The following RABEP1 variants were observed in gnomAD, a reference collection of about 807,000 sequenced individuals.
The protein encoded by RABEP1 is rab GTPase-binding effector protein 1.
RABEP1 carries 51 observed loss-of-function variants against 123.4 expected under a neutral mutation model. That is an observed-to-expected ratio of 0.41 (90% CI 0.33 to 0.52). RABEP1 has a LOEUF of 0.52. RABEP1 is among the 20% of genes least tolerant of loss of function. The pLI, the probability that RABEP1 is intolerant of heterozygous loss-of-function variation, is 0.16. For missense variants in RABEP1, 888 were observed against 996.3 expected (o/e 0.89, Z 1.46); for synonymous variants, 347 against 355.2 (o/e 0.98, Z 0.26).
intron 8 of RABEP1, among the ~76,000 whole-genome samples, chr17:5,358,395 G>A (rs1008262406): frequency 4.6e-5 from 7 of 152,076 alleles, no homozygotes; most frequent in African/African-American, 1.7e-4. Flanking sequence ...GCCTGGCCGG[G>A]CATGGTGGCT....
At chr17:5,377,514 TA>T (rs772937910) in intron 14 of RABEP1, among the ~76,000 whole-genome samples, 11,211 of 126,498 alleles carry the variant, frequency 0.089, 682 homozygotes, top group East Asian at 0.15. Flanking sequence ...TCTGGTTATT[TA>T]AAAAATTTTT....
intron 8 of RABEP1, among the ~76,000 whole-genome samples, chr17:5,358,020 G>A (rs538625038): frequency 1.1e-4 from 17 of 152,072 alleles, no homozygotes; most frequent in African/African-American, 4.8e-5. Context: ...ATACTGGCTC[G>A]GTGTGTGACT....
chr17:5,323,382 C>A (rs1468253286), intron 2 of RABEP1, among the ~76,000 whole-genome samples: 1 of 152,060 alleles, frequency 6.6e-6, no homozygotes, highest in Non-Finnish European at 1.5e-5. Flanking sequence ...AAATAAAGGG[C>A]ATCCAAATTG....
intron 13 of RABEP1, among the ~76,000 whole-genome samples, chr17:5,375,627 G>A (rs1910926370): frequency 6.6e-6 from 1 of 151,930 alleles, no homozygotes; most frequent in Admixed American, 6.6e-5. Context: ...GGTCGCCTGA[G>A]CCCAGGAGGT....
chr17:5,301,509 T>TTA (rs749094435), intron 1 of RABEP1, among the ~76,000 whole-genome samples: 3 of 152,144 alleles, frequency 2.0e-5, no homozygotes, highest in Non-Finnish European at 2.9e-5. Flanking sequence ...CCACAAACTG[T>TTA]TTTTAATGGT....
intron 2 of RABEP1, among the ~76,000 whole-genome samples, chr17:5,316,956 G>A (rs554540921): frequency 2.6e-5 from 4 of 151,392 alleles, no homozygotes; most frequent in Middle Eastern, 3.4e-3. Flanking sequence ...CCAGGCTGGC[G>A]TGCTGTGGCA....
At chr17:5,340,639 TAAA>T (rs57830996) in intron 5 of RABEP1, among the ~76,000 whole-genome samples, 1 of 142,816 alleles carries the variant, frequency 7.0e-6, no homozygotes, top group Non-Finnish European at 1.5e-5. Flanking sequence ...GCCAGATCTT[TAAA>T]AAAAAAAAAA....
At chr17:5,343,164 A>G (rs2144628768) in intron 5 of RABEP1, among the ~76,000 whole-genome samples, 1 of 152,258 alleles carries the variant, frequency 6.6e-6, no homozygotes, top group South Asian at 2.1e-4. Context: ...AGGCAGGAGA[A>G]TCGCTTGAAC....
rs565017013 is a variant in RABEP1 at position 5,347,868 on chromosome 17, A to G, written c.784+943A>G. Among the ~76,000 whole-genome samples the G allele has an allele frequency of 2.0e-5, 3 of 152,354 alleles. No individual in the cohort carries two copies. In the South Asian group the frequency reaches 6.2e-4, roughly 32 times the overall value. On this transcript the variant is annotated intron_variant, in intron 6 of 17. Transcript: ENST00000537505. ...TCTAACACTTCCAGAAATAATGTAA[A>G]TTATTGAGACTACCAACCTTCCTAA...
chr17:5,367,374 C>T (rs368935279), intron 11 of RABEP1, among the ~76,000 whole-genome samples: 61 of 151,678 alleles, frequency 4.0e-4, no homozygotes, highest in Admixed American at 6.6e-4. Flanking sequence ...CAGGTTCAAG[C>T]GATTCTCCTG....
intron 17 of RABEP1, 183 bp downstream of exon 17, chr17:5,381,688 C>G: frequency 9.3e-7 from 1 of 1,075,218 alleles, no homozygotes; most frequent in Non-Finnish European, 1.2e-6. Flanking sequence ...ACACTTGGCC[C>G]ATTTTTCTTT....
intron 1 of RABEP1, among the ~76,000 whole-genome samples, chr17:5,295,856 T>G (rs1371608445): frequency 3.9e-5 from 6 of 152,342 alleles, no homozygotes; most frequent in African/African-American, 1.4e-4. Context: ...CATCATTATT[T>G]TTTGTAGATT....
chr17:5,330,756 C>T (rs764129096), intron 2 of RABEP1, among the ~76,000 whole-genome samples: 3 of 152,014 alleles, frequency 2.0e-5, no homozygotes, highest in Non-Finnish European at 4.4e-5. Flanking sequence ...GGCGCGGTGG[C>T]TCACACCTGT....
intron 2 of RABEP1, among the ~76,000 whole-genome samples, chr17:5,313,245 C>T (rs566003903): frequency 3.3e-5 from 5 of 152,236 alleles, no homozygotes; most frequent in Admixed American, 3.3e-4. Context: ...TCAAGATGAC[C>T]TGTAATACAT....
chr17:5,282,503 C>G lies in RABEP1; in HGVS notation c.17C>G (p.Pro6Arg). ...CGCCTGGTCATGGCGCAGCCGGGCC[C>G]GGCTTCCCAGCCTGACGGTGAGGCG... MAQPG[P>R]ASQPDVSLQQ... is the part of the protein sequence containing the mutation. The change falls in exon 1 of 18, where the codon CCG becomes CGG. Residue 6 changes from proline to arginine, a missense_variant. Physicochemically the swap from Pro to Arg is moderately radical, Grantham distance 103. Coordinates refer to ENST00000537505, the MANE Select transcript of RABEP1 (RefSeq NM_004703.6). The G allele has an allele frequency of 1.6e-6, 2 of 1,274,990 alleles. No individual in the cohort carries two copies. Among genetic ancestry groups the G allele is most frequent in the Admixed American group, 3.7e-5 (1 of 26,798 alleles). The allele number at this position is 1,274,990 out of a possible 1,614,324, so 79.0% of individuals were successfully genotyped here. A position where few individuals can be genotyped will look rare whatever the true frequency, so the allele number is the denominator to read the frequency against.
intron 2 of RABEP1, among the ~76,000 whole-genome samples, chr17:5,314,031 G>C (rs1567876184): frequency 6.6e-6 from 1 of 152,020 alleles, no homozygotes; most frequent in African/African-American, 2.4e-5. Context: ...AGCAGTCTTT[G>C]TTTTATCTTT....
At chr17:5,375,945 T>G (rs1273240311) in intron 13 of RABEP1, among the ~76,000 whole-genome samples, 1 of 152,064 alleles carries the variant, frequency 6.6e-6, no homozygotes, top group Non-Finnish European at 1.5e-5. Flanking sequence ...TAATCTCAGC[T>G]TATTGCAACC....
At chr17:5,331,667 G>A (rs1232835847) in intron 2 of RABEP1, among the ~76,000 whole-genome samples, 2 of 152,096 alleles carry the variant, frequency 1.3e-5, no homozygotes, top group Non-Finnish European at 2.9e-5. Flanking sequence ...TTTTGCAGAT[G>A]TGGAAACTTA....
At chr17:5,290,279 G>A (rs1458744010) in intron 1 of RABEP1, among the ~76,000 whole-genome samples, 2 of 152,046 alleles carry the variant, frequency 1.3e-5, no homozygotes, top group African/African-American at 2.4e-5. Flanking sequence ...TAGTAGAGAC[G>A]GGGTTTCACC....
Sources: allele counts gnomAD v4.1 joint callset (sites outside exome capture counted in the v4.1 genomes callset), GRCh38; gene constraint gnomAD v4.1.1; transcripts MANE v1.5; gene names NCBI Gene and HGNC (gene_info 2026-07-23, HGNC 2026-07-21).